Variants in MYBL2 observed in about 807,000 individuals in gnomAD.
The protein encoded by MYBL2 is myb-related protein B.
Under a neutral mutation model 79.9 loss-of-function variants are expected in MYBL2, and 28 were observed. That is an observed-to-expected ratio of 0.35 (90% CI 0.26 to 0.48). The LOEUF is 0.48. MYBL2 is among the 20% of genes least tolerant of loss of function. The pLI is 0.99. For synonymous variants in MYBL2, 378 were observed against 361.2 expected (o/e 1.05, Z -0.53); for missense variants, 735 against 893.9 (o/e 0.82, Z 2.27).
chr20:43,684,849 A>G (rs1423201763), intron 4 of MYBL2, among the ~76,000 whole-genome samples: 3 of 148,968 alleles, frequency 2.0e-5, no homozygotes, highest in Non-Finnish European at 3.0e-5. Flanking sequence ...AAAAAAAAAA[A>G]AACACAAAAG....
At chr20:43,706,201 A>G (rs1397589651) in intron 9 of MYBL2, among the ~76,000 whole-genome samples, 1 of 152,148 alleles carries the variant, frequency 6.6e-6, no homozygotes, top group Non-Finnish European at 1.5e-5. Context: ...TCCGCTTCCT[A>G]AGGTTTCAGG....
chr20:43,708,275 T>C (rs967645695), intron 9 of MYBL2, among the ~76,000 whole-genome samples: 1 of 151,992 alleles, frequency 6.6e-6, no homozygotes, highest in Non-Finnish European at 1.5e-5. Flanking sequence ...AATTTTTTTG[T>C]TTTTTTGAGA....
At chr20:43,673,761 C>T in intron 1 of MYBL2, 45 bp from the exon 2 acceptor site, 2 of 1,554,504 alleles carry the variant, frequency 1.3e-6, no homozygotes, top group Non-Finnish European at 1.8e-6. Flanking sequence ...TTATGTAAAA[C>T]ATATGGACAC....
At chr20:43,678,504 GA>G (rs1987069312) in intron 2 of MYBL2, among the ~76,000 whole-genome samples, 1 of 152,074 alleles carries the variant, frequency 6.6e-6, no homozygotes, top group Non-Finnish European at 1.5e-5. Context: ...TTAATGCAGG[GA>G]GTGATGTGAA....
intron 5 of MYBL2, among the ~76,000 whole-genome samples, chr20:43,690,228 C>T (rs192474300): frequency 1.3e-5 from 2 of 149,818 alleles, no homozygotes; most frequent in African/African-American, 4.9e-5. Flanking sequence ...TTTTTTGAGA[C>T]GGAGTCTTGC....
Position 43,692,234 on chromosome 20 carries a change from C to T in MYBL2, c.578C>T (p.Ser193Phe), listed in dbSNP as rs769558816. ...KVDTGGFLSE[S>F]KDCKPPVYLL... is the part of the protein sequence containing the mutation. ...GACACAGGAGGCTTCTTGAGCGAGT[C>T]CAAAGACTGCAAGCCCCCAGTGTAC... Residue 193 changes from serine (S) to phenylalanine (F), a missense_variant, in exon 6 of 14, where the codon TCC (serine) becomes TTC (phenylalanine). This residue lies in a region of MYBL2 where 144 missense variants were observed against 131.9 expected (regional missense o/e 1.09). Coordinates refer to ENST00000217026, the MANE Select transcript of MYBL2 (RefSeq NM_002466.4). 3.1e-6 allele frequency: 5 copies of T among 1,614,152 alleles called. No homozygotes were observed. Among genetic ancestry groups the T allele is most frequent in the Non-Finnish European group, 4.2e-6 (5 of 1,180,034 alleles).
At chr20:43,669,337 A>G (rs1986806127) in intron 1 of MYBL2, among the ~76,000 whole-genome samples, 1 of 152,170 alleles carries the variant, frequency 6.6e-6, no homozygotes, top group Admixed American at 6.5e-5. Context: ...GAGTTATTCC[A>G]GGAGTGACTG....
intron 9 of MYBL2, among the ~76,000 whole-genome samples, chr20:43,709,649 G>A (rs181195301): frequency 1.3e-3 from 193 of 152,270 alleles, no homozygotes; most frequent in African/African-American, 4.4e-3. Context: ...ACCTTGCTCC[G>A]TGCCCCCTCT....
intron 6 of MYBL2, among the ~76,000 whole-genome samples, chr20:43,699,095 A>G (rs1987625384): frequency 6.6e-6 from 1 of 151,958 alleles, no homozygotes; most frequent in Admixed American, 6.6e-5. Flanking sequence ...CTGTAGTGCA[A>G]TGGTGCGATC....
At chr20:43,674,233 C>CT (rs1419872071) in intron 2 of MYBL2, among the ~76,000 whole-genome samples, 1 of 98,112 alleles carries the variant, frequency 1.0e-5, no homozygotes, top group Non-Finnish European at 2.3e-5. Flanking sequence ...CTCCCCCCAC[C>CT]CTTTTTTTTT....
Position 43,711,550 on chromosome 20 carries a change from A to G in MYBL2, c.1668A>G (p.Glu556=), listed in dbSNP as rs751423852. 24 of 1,613,502 alleles carry G rather than the reference A, an allele frequency of 1.5e-5. No homozygotes were observed. In the Admixed American group the frequency reaches 3.8e-4, roughly 26 times the overall value. Reference sequence around the variant, plus strand: ...TGCTGCGTTCTGAGGCTGGCATCGAACTCATCATCGAGGACGACATCAGGC... The same window carrying G: ...TGCTGCGTTCTGAGGCTGGCATCGAGCTCATCATCGAGGACGACATCAGGC... ...KEVLRSEAGI[E]LIIEDDIRPE... Residue 556 remains glutamate, a synonymous_variant, in exon 11 of 14, where the codon GAA becomes GAG. Transcript: ENST00000217026.
At chr20:43,685,414 C>T (rs1303657090) in intron 4 of MYBL2, among the ~76,000 whole-genome samples, 1 of 151,742 alleles carries the variant, frequency 6.6e-6, no homozygotes, top group Non-Finnish European at 1.5e-5. Flanking sequence ...CTCCTGACCT[C>T]AGGTGATCCA....
chr20:43,669,660 G>T (rs1006061577), intron 1 of MYBL2, among the ~76,000 whole-genome samples: 1 of 152,182 alleles, frequency 6.6e-6, no homozygotes, highest in Non-Finnish European at 1.5e-5. Flanking sequence ...AGTTAGGAAG[G>T]TTCAGAGCCT....
rs1283343165 is a variant in MYBL2 at position 43,681,801 on chromosome 20, C to T, written c.132C>T (p.Ala44=). ...GTTGGCAGGACGAGCAGCTGAGGGCCCTGGTGAGGCAGTTTGGACAGCAGG... is the reference window on the plus strand; with the variant it reads ...GTTGGCAGGACGAGCAGCTGAGGGCTCTGGTGAGGCAGTTTGGACAGCAGG... ...WTHEEDEQLR[A]LVRQFGQQDW... Residue 44 remains alanine, a synonymous_variant, in exon 3 of 14, where the codon GCC becomes GCT. Coordinates refer to ENST00000217026, the MANE Select transcript of MYBL2 (RefSeq NM_002466.4). 3 of 1,614,198 alleles carry T rather than the reference C, an allele frequency of 1.9e-6. No homozygotes were observed. The highest frequency in any genetic ancestry group is 1.7e-6 in the Non-Finnish European group (2 of 1,180,038).
chr20:43,669,929 C>T (rs1241513289), intron 1 of MYBL2, among the ~76,000 whole-genome samples: 3 of 152,140 alleles, frequency 2.0e-5, no homozygotes, highest in African/African-American at 7.2e-5. Flanking sequence ...TGGTGAAACT[C>T]CTCGTCTCTA....
chr20:43,701,662 A>T (rs1301258654), intron 7 of MYBL2, among the ~76,000 whole-genome samples: 1 of 152,188 alleles, frequency 6.6e-6, no homozygotes, highest in Non-Finnish European at 1.5e-5. Context: ...AACTTTTGTG[A>T]GCTGCCCCAA....
intron 2 of MYBL2, among the ~76,000 whole-genome samples, chr20:43,681,403 T>G (rs1277647665): frequency 6.6e-6 from 1 of 152,228 alleles, no homozygotes. Flanking sequence ...CTGCGAATGG[T>G]CTGGCCCCTA....
chr20:43,707,196 A>T (rs116482086), intron 9 of MYBL2, among the ~76,000 whole-genome samples: 3,223 of 140,936 alleles, frequency 0.023, 87 homozygotes, highest in African/African-American at 0.064. Context: ...TTTTTTTTTT[A>T]AAAAAAAAAG....
In MYBL2 at chr20:43,675,761, T is replaced by TTGTGTGTG. The variant is rs34999422; in HGVS notation, c.114+1880_114+1887dup. 1.5e-3 allele frequency among the ~76,000 whole-genome samples: 221 copies of TTGTGTGTG among 148,202 alleles called. 1 individual carries two copies. The highest frequency in any genetic ancestry group is 5.2e-3 in the African/African-American group (210 of 40,578). ...TTTTGCCTTTTTCTTTTTGGGGGCT[T>TTGTGTGTG]TGTGTGTGTGTGTGTGTGTGTGTGT... On this transcript the variant is annotated intron_variant, in intron 2 of 13. Transcript: ENST00000217026.
Sources: gnomAD v4.1 joint callset for allele counts (sites outside exome capture counted in the v4.1 genomes callset) on GRCh38, gnomAD v4.1.1 for gene constraint, gnomAD v4.1.1 regional missense constraint, MANE v1.5 for transcripts, NCBI Gene and HGNC (gene_info 2026-07-23, HGNC 2026-07-21) for gene names.